Variants in PANK1 observed in about 807,000 individuals in gnomAD.
PANK1 encodes pantothenic acid kinase 1.
A neutral mutation model predicts 40.1 loss-of-function variants in PANK1; 18 were observed. The ratio of observed to expected loss-of-function variants is 0.45; its 90% CI spans 0.31 to 0.67. The LOEUF (loss-of-function observed/expected upper bound fraction) is 0.67. Ranked by LOEUF, PANK1 falls within the 30% of genes least tolerant of loss-of-function variation. The pLI is 0.06. For synonymous variants in PANK1, 242 were observed against 237.7 expected (o/e 1.02, Z -0.17); for missense variants, 457 against 599.6 (o/e 0.76, Z 2.48).
At chr10:89,618,316 A>G (rs6586206) in intron 1 of PANK1, among the ~76,000 whole-genome samples, 104,252 of 151,938 alleles carry the variant, frequency 0.69, 35,946 homozygotes, top group South Asian at 0.84. Context: ...CTAATATACA[A>G]TGTGTGGGGG....
Position 89,589,460 on chromosome 10 carries a change from C to T in PANK1, c.1201-683G>A, listed in dbSNP as rs150824270. 1.8e-4 allele frequency among the ~76,000 whole-genome samples: 28 copies of T among 152,248 alleles called. No individual in the cohort carries two copies. The East Asian group carries it at 4.8e-3, about 26-fold the overall frequency. ...ATCCCGTAAGCTTCTAGCTCCAGTGCACTCGTTATACTTCCCACTCCCCGA... is the reference window on the plus strand; with the variant it reads ...ATCCCGTAAGCTTCTAGCTCCAGTGTACTCGTTATACTTCCCACTCCCCGA... On this transcript the variant is annotated intron_variant, in intron 5 of 6. Transcript: ENST00000307534.
At chr10:89,587,590 C>G in intron 6 of PANK1, among the ~76,000 whole-genome samples, 1 of 152,098 alleles carries the variant, frequency 6.6e-6, no homozygotes, top group Admixed American at 6.5e-5. Flanking sequence ...AACTGGAAAT[C>G]AAAGGAGGTG....
intron 2 of PANK1, among the ~76,000 whole-genome samples, chr10:89,609,528 A>G (rs186508293): frequency 8.5e-4 from 130 of 152,374 alleles, no homozygotes; most frequent in Non-Finnish European, 1.5e-3. Flanking sequence ...ATTCATCCTC[A>G]TAACTTTGGA....
rs1842081917 is a variant in PANK1, at chr10:89,645,214, T to A, written c.-323A>T. 1 of 1,598,612 alleles carries A rather than the reference T, an allele frequency of 6.3e-7. No individual in the cohort carries two copies. ...CCCCTGATCCCCAGGCCGCGCGACT[T>A]CAAACGCGGCTTCCTCGCCTCCCAG... On this transcript the variant is annotated 5_prime_UTR_variant, in exon 1 of 7. Transcript: ENST00000307534.
At position 89,583,685 on chromosome 10, in the gene PANK1, A is replaced by T. The variant is rs1844103280; in HGVS notation, c.*721T>A. On this transcript the variant is annotated 3_prime_UTR_variant, in exon 7 of 7. Coordinates refer to ENST00000307534, the MANE Select transcript of PANK1 (RefSeq NM_148977.3). Reference sequence around the variant, plus strand: ...AACTTTTGCCAGACTCATTAAATTCATTAACACATTCAGTCTTCTCTTCAC... The same window carrying T: ...AACTTTTGCCAGACTCATTAAATTCTTTAACACATTCAGTCTTCTCTTCAC... The T allele has an allele frequency of 6.6e-6, 1 of 152,242 alleles. No homozygotes were observed. Among genetic ancestry groups the T allele is most frequent in the Non-Finnish European group, 1.5e-5 (1 of 68,028 alleles). 9.4% of individuals were successfully genotyped at this position (152,242 alleles called of 1,614,324 possible).
At chr10:89,616,011 G>A (rs891003307) in intron 1 of PANK1, among the ~76,000 whole-genome samples, 1 of 152,190 alleles carries the variant, frequency 6.6e-6, no homozygotes, top group Middle Eastern at 3.2e-3. Flanking sequence ...TGTTTGCCAA[G>A]AGGAGTGATG....
At chr10:89,607,956 C>G (rs1845020276) in intron 2 of PANK1, among the ~76,000 whole-genome samples, 1 of 151,826 alleles carries the variant, frequency 6.6e-6, no homozygotes, top group Admixed American at 6.6e-5. Flanking sequence ...CTTCTGTGTT[C>G]CATTTTGATA....
In PANK1 at chr10:89,644,468, CTG is replaced by C. The variant is rs1209463747; in HGVS notation, c.292+130_292+131del. 1.4e-5 allele frequency: 10 copies of C among 736,882 alleles called. No individual in the cohort carries two copies. In the South Asian group the frequency reaches 1.7e-4, roughly 13 times the overall value. The allele number at this position is 736,882 out of a possible 1,614,324, so 45.6% of individuals were successfully genotyped here. On this transcript the variant is annotated intron_variant, in intron 1 of 6. Transcript: ENST00000307534. ...AAAGAATCAGTCCCGGGAACCTACT[CTG>C]TGCAGTCCCTCGACCGCAGACGCGG...
In PANK1 at chr10:89,588,656, T is replaced by A; in HGVS notation, c.1322A>T (p.His441Leu). ...GTCTATGCAAGCTCAACCTACCTCATGTTCCAAAAACAGAGCTTTCAGTTG... is the reference window on the plus strand; with the variant it reads ...GTCTATGCAAGCTCAACCTACCTCAAGTTCCAAAAACAGAGCTTTCAGTTG... ...KGQLKALFLE[H>L]EGYFGAVGAL... is the part of the protein sequence containing the mutation. The change falls in exon 6 of 7, where the codon CAT becomes CTT. Residue 441 changes from histidine to leucine, a missense_variant. By Grantham distance (99) the His-to-Leu change is moderately conservative. Coordinates refer to ENST00000307534, the MANE Select transcript of PANK1 (RefSeq NM_148977.3). The A allele has an allele frequency of 6.2e-7, 1 of 1,600,484 alleles. No individual in the cohort carries two copies. Among genetic ancestry groups the A allele is most frequent in the Non-Finnish European group, 8.5e-7 (1 of 1,175,064 alleles).
rs766458732 is a variant in PANK1, at chr10:89,588,688, G to A, written c.1290C>T (p.Ser430=). ...AAAACAGAGCTTTCAGTTGTCCTTTGGACCAAAAATCCATGGCATATGCCA... is the reference window on the plus strand; with the variant it reads ...AAAACAGAGCTTTCAGTTGTCCTTTAGACCAAAAATCCATGGCATATGCCA... ...KLLAYAMDFW[S]KGQLKALFLE... The change falls in exon 6 of 7, where the codon TCC becomes TCT. Residue 430 remains serine, a synonymous_variant. Coordinates refer to ENST00000307534, the MANE Select transcript of PANK1 (RefSeq NM_148977.3). 15 of 1,604,688 alleles carry A rather than the reference G, an allele frequency of 9.3e-6. No individual in the cohort carries two copies. Among genetic ancestry groups the A allele is most frequent in the Non-Finnish European group, 1.2e-5 (14 of 1,176,200 alleles).
At chr10:89,636,057 G>A (rs949142083) in intron 1 of PANK1, among the ~76,000 whole-genome samples, 9 of 152,176 alleles carry the variant, frequency 5.9e-5, no homozygotes, top group African/African-American at 2.2e-4. Context: ...TTGGTGTCAG[G>A]TGCCTGTGGC....
intron 1 of PANK1, among the ~76,000 whole-genome samples, chr10:89,622,768 C>T (rs1287663537): frequency 4.6e-5 from 7 of 150,646 alleles, no homozygotes; most frequent in South Asian, 4.2e-4. Flanking sequence ...ACCTGGGAGG[C>T]GGAGCTTGCA....
intron 2 of PANK1, among the ~76,000 whole-genome samples, chr10:89,600,564 C>A (rs1377009337): frequency 1.3e-5 from 2 of 152,034 alleles, no homozygotes; most frequent in Non-Finnish European, 2.9e-5. Context: ...ACAAAGCATT[C>A]AAAAAATGTT....
At chr10:89,593,103 G>A (rs1028728384) in intron 5 of PANK1, 94 bp downstream of exon 5, 4 of 1,250,896 alleles carry the variant, frequency 3.2e-6, no homozygotes, top group Non-Finnish European at 4.6e-6. Context: ...CTTTCCTAAG[G>A]ATATGTAGTT....
At chr10:89,615,943 C>T (rs1050712371) in intron 1 of PANK1, among the ~76,000 whole-genome samples, 1 of 152,140 alleles carries the variant, frequency 6.6e-6, no homozygotes, top group African/African-American at 2.4e-5. Flanking sequence ...TTTCTTTACT[C>T]CAGCATACCC....
intron 1 of PANK1, among the ~76,000 whole-genome samples, chr10:89,638,066 A>C (rs934125825): frequency 6.6e-6 from 1 of 152,220 alleles, no homozygotes; most frequent in African/African-American, 2.4e-5. Flanking sequence ...AGAAGGTATT[A>C]TGTATTATAC....
intron 1 of PANK1, among the ~76,000 whole-genome samples, chr10:89,631,358 G>A (rs1841635330): frequency 6.6e-6 from 1 of 152,102 alleles, no homozygotes; most frequent in South Asian, 2.1e-4. Flanking sequence ...TCCTCTTGTG[G>A]CTAAATTAAA....
intron 3 of PANK1, among the ~76,000 whole-genome samples, chr10:89,598,868 C>T (rs1589771218): frequency 6.6e-6 from 1 of 152,150 alleles, no homozygotes; most frequent in African/African-American, 2.4e-5. Flanking sequence ...CAAGTCACTC[C>T]GAGCTAGGCA....
Position 89,599,273 on chromosome 10 carries a change from T to C in PANK1, c.878A>G (p.Tyr293Cys), listed in dbSNP as rs1276750843. ...TTACCTGGTCCCTGTAACTCTTTTA[T>C]AGTTGTCCTTGGAGTACACGGCTAG... ...SILAVYSKDNYKRVTGTSLGG... is the reference protein window; with the variant it reads ...SILAVYSKDNCKRVTGTSLGG... Residue 293 changes from tyrosine (Y) to cysteine (C), a missense_variant, in exon 3 of 7, where the codon TAT (tyrosine) becomes TGT (cysteine). This residue lies in a region of PANK1 where 286 missense variants were observed against 415.8 expected (regional missense o/e 0.69). Transcript: ENST00000307534. 1 of 1,614,142 alleles carries C rather than the reference T, an allele frequency of 6.2e-7. No individual in the cohort carries two copies. The highest frequency in any genetic ancestry group is 8.5e-7 in the Non-Finnish European group (1 of 1,179,982).
Sources: gnomAD v4.1 joint callset for allele counts (sites outside exome capture counted in the v4.1 genomes callset) on GRCh38, gnomAD v4.1.1 for gene constraint, gnomAD v4.1.1 regional missense constraint, MANE v1.5 for transcripts, NCBI Gene and HGNC (gene_info 2026-07-23, HGNC 2026-07-21) for gene names.